Variants in ARMC2 observed in about 807,000 individuals in gnomAD.
ARMC2 encodes armadillo repeat-containing protein 2.
ARMC2 carries 67 observed loss-of-function variants against 90.3 expected under a neutral mutation model. That is an observed-to-expected ratio of 0.74 (90% CI 0.61 to 0.91). ARMC2 has a LOEUF of 0.91. ARMC2 is among the 40% of genes least tolerant of loss of function. The pLI, the probability that ARMC2 is intolerant of heterozygous loss-of-function variation, is 0.00. For synonymous variants in ARMC2, 393 were observed against 393.0 expected (o/e 1.00, Z 0.00); for missense variants, 920 against 1,030.9 (o/e 0.89, Z 1.47).
intron 14 of ARMC2, 42 bp from the exon 15 acceptor site, chr6:108,961,972 A>C (rs1301522536): frequency 7.2e-7 from 1 of 1,393,828 alleles, no homozygotes; most frequent in East Asian, 2.3e-5. Flanking sequence ...TTAAGTTAAA[A>C]CTTAAATTCA....
the ARMC2 span, among the ~76,000 whole-genome samples, chr6:109,051,060 T>G: frequency 1.3e-5 from 2 of 152,114 alleles, no homozygotes; most frequent in African/African-American, 4.8e-5. Context: ...CACCAAATAT[T>G]AATGCTGCTT....
intron 10 of ARMC2, among the ~76,000 whole-genome samples, chr6:108,914,403 C>A (rs566450427): frequency 4.7e-4 from 71 of 152,240 alleles, no homozygotes; most frequent in African/African-American, 1.0e-3. Flanking sequence ...ATTTGTGTCC[C>A]CCCACCTCTA....
intron 13 of ARMC2, among the ~76,000 whole-genome samples, chr6:108,960,919 A>G (rs1306499456): frequency 1.3e-5 from 2 of 152,150 alleles, no homozygotes; most frequent in African/African-American, 4.8e-5. Context: ...TAAGGCCTGG[A>G]GCTGCCAGGT....
the ARMC2 span, among the ~76,000 whole-genome samples, chr6:109,028,739 C>T: frequency 1.3e-5 from 2 of 152,110 alleles, no homozygotes; most frequent in Non-Finnish European, 2.9e-5. Context: ...AAAATAATTG[C>T]CCCGATCTCA....
chr6:108,952,445 G>A (rs1777257961), intron 12 of ARMC2, among the ~76,000 whole-genome samples: 1 of 151,632 alleles, frequency 6.6e-6, no homozygotes, highest in Non-Finnish European at 1.5e-5. Flanking sequence ...GTGTAGCTAC[G>A]TAACACAGCG....
chr6:108,882,942 T>G (rs1777737171), intron 5 of ARMC2, among the ~76,000 whole-genome samples: 1 of 152,224 alleles, frequency 6.6e-6, no homozygotes, highest in African/African-American at 2.4e-5. Context: ...GAAGCTCAAA[T>G]GGACACATGG....
intron 12 of ARMC2, among the ~76,000 whole-genome samples, chr6:108,937,500 A>G (rs1776049419): frequency 6.6e-6 from 1 of 152,166 alleles, no homozygotes; most frequent in Admixed American, 6.5e-5. Flanking sequence ...AGATTCTTCT[A>G]GCCCTTAAGT....
At chr6:108,951,938 G>A (rs182399093) in intron 12 of ARMC2, among the ~76,000 whole-genome samples, 3 of 152,360 alleles carry the variant, frequency 2.0e-5, no homozygotes, top group African/African-American at 7.2e-5. Flanking sequence ...ACCCTGTGTG[G>A]GAAGCAGATG....
In ARMC2 at chr6:108,899,761, G is replaced by A; in HGVS notation, c.816G>A (p.Arg272=). The A allele has an allele frequency of 6.2e-7, 1 of 1,613,358 alleles. No individual in the cohort carries two copies. Among genetic ancestry groups the A allele is most frequent in the Non-Finnish European group, 8.5e-7 (1 of 1,179,670 alleles). Residue 272 remains arginine, a synonymous_variant, in exon 7 of 18, where the codon AGG becomes AGA. Coordinates refer to ENST00000392644, the MANE Select transcript of ARMC2 (RefSeq NM_032131.6). ...TAGACGAAGTCTTTTGGAATACAAG[G>A]ATTGTACCGATTTTGCGTGAATTAG... ...IEVDEVFWNT[R]IVPILRELEK... is the part of the protein sequence containing the mutation.
intron 6 of ARMC2, among the ~76,000 whole-genome samples, chr6:108,896,766 G>A (rs1291076784): frequency 2.0e-5 from 3 of 152,196 alleles, no homozygotes; most frequent in Admixed American, 2.0e-4. Flanking sequence ...CAGGTTGATA[G>A]TCATGGTTTC....
At chr6:108,988,490 G>A in the ARMC2 span, 1 of 1,500,494 alleles carries the variant, frequency 6.7e-7, no homozygotes, top group East Asian at 2.3e-5. Flanking sequence ...AGGTGAAGGA[G>A]ACTACGAATC....
chr6:108,955,392 C>T (rs116655818), intron 13 of ARMC2, among the ~76,000 whole-genome samples: 342 of 152,256 alleles, frequency 2.2e-3, no homozygotes, highest in African/African-American at 7.5e-3. Context: ...TGGAGCTTTA[C>T]GGTTGAAAAC....
At chr6:108,989,874 G>A in the ARMC2 span, among the ~76,000 whole-genome samples, 1 of 152,064 alleles carries the variant, frequency 6.6e-6, no homozygotes, top group Non-Finnish European at 1.5e-5. Flanking sequence ...AGTGGAAAGG[G>A]GACAAAGGTC....
the ARMC2 span, chr6:108,990,527 T>A: frequency 1.1e-6 from 1 of 885,136 alleles, no homozygotes; most frequent in East Asian, 2.5e-5. Flanking sequence ...AAAAATAAGT[T>A]ATTGGGGAGG....
At chr6:109,027,703 A>G in the ARMC2 span, among the ~76,000 whole-genome samples, 1 of 152,082 alleles carries the variant, frequency 6.6e-6, no homozygotes, top group Non-Finnish European at 1.5e-5. Flanking sequence ...GAGGCTCCTA[A>G]CTATCCTGCA....
intron 11 of ARMC2, among the ~76,000 whole-genome samples, chr6:108,930,885 G>C (rs1775505273): frequency 6.7e-6 from 1 of 149,962 alleles, no homozygotes; most frequent in African/African-American, 2.5e-5. Flanking sequence ...GTGAGCCACC[G>C]CACCCGGCCC....
intron 3 of ARMC2, among the ~76,000 whole-genome samples, chr6:108,861,510 A>C (rs964595898): frequency 6.6e-6 from 1 of 152,234 alleles, no homozygotes; most frequent in East Asian, 1.9e-4. Flanking sequence ...AATGACCCCA[A>C]TTGCCTCAAA....
At chr6:108,881,100 C>T (rs1436640501) in intron 5 of ARMC2, among the ~76,000 whole-genome samples, 3 of 151,986 alleles carry the variant, frequency 2.0e-5, no homozygotes, top group African/African-American at 7.2e-5. Context: ...GTGATCTGCC[C>T]ACCTCAGCCT....
At chr6:108,892,626 GCACACGC>G (rs1477340428) in intron 5 of ARMC2, among the ~76,000 whole-genome samples, 6 of 152,138 alleles carry the variant, frequency 3.9e-5, no homozygotes, top group Non-Finnish European at 8.8e-5. Context: ...AGGCATGGTG[GCACACGC>G]CTGTAATCCC....
Sources: gnomAD v4.1 joint callset for allele counts (sites outside exome capture counted in the v4.1 genomes callset) on GRCh38, gnomAD v4.1.1 for gene constraint, MANE v1.5 for transcripts, NCBI Gene and HGNC (gene_info 2026-07-23, HGNC 2026-07-21) for gene names.